Variants in PDE4D observed in about 807,000 individuals in gnomAD.
The protein encoded by PDE4D is 3',5'-cyclic-AMP phosphodiesterase 4D.
A neutral mutation model predicts 87.4 loss-of-function variants in PDE4D; 24 were observed. The observed-to-expected ratio is 0.27, with a 90% CI of 0.20 to 0.39. The LOEUF (loss-of-function observed/expected upper bound fraction) is 0.39, where lower values mean the gene tolerates loss of function less well. Among genes scored for constraint, PDE4D ranks in the 10% least tolerant of loss-of-function variants. PDE4D has a pLI of 1.00. For missense variants in PDE4D, 714 were observed against 1,041.0 expected (o/e 0.69, Z 4.32); for synonymous variants, 384 against 383.2 (o/e 1.00, Z -0.02).
intron 5 of PDE4D, among the ~76,000 whole-genome samples, chr5:59,118,159 T>C (rs769268934): frequency 9.8e-5 from 15 of 152,308 alleles, no homozygotes; most frequent in Non-Finnish European, 2.1e-4. Context: ...TACATTGCCC[T>C]TTAACTTCTG....
At chr5:60,219,519 C>G (rs950998948) in intron 1 of PDE4D, among the ~76,000 whole-genome samples, 16 of 152,128 alleles carry the variant, frequency 1.1e-4, no homozygotes, top group Non-Finnish European at 2.2e-4. Context: ...TGGGATACAC[C>G]TAAGTTACCT....
intron 2 of PDE4D, among the ~76,000 whole-genome samples, chr5:60,041,189 C>T (rs1768438930): frequency 6.6e-6 from 1 of 152,088 alleles, no homozygotes; most frequent in African/African-American, 2.4e-5. Flanking sequence ...GTATATTCAT[C>T]TCATTGTTGA....
chr5:59,573,160 A>G (rs1237859737), intron 1 of PDE4D, among the ~76,000 whole-genome samples: 1 of 152,122 alleles, frequency 6.6e-6, no homozygotes, highest in Admixed American at 6.5e-5. Flanking sequence ...CTCTTGAAAG[A>G]TGGAAGGCCC....
At chr5:59,137,127 C>T (rs1489651580) in intron 5 of PDE4D, among the ~76,000 whole-genome samples, 1 of 152,198 alleles carries the variant, frequency 6.6e-6, no homozygotes, top group South Asian at 2.1e-4. Flanking sequence ...CTTCCCTGTA[C>T]CTCTGCCCAG....
intron 1 of PDE4D, among the ~76,000 whole-genome samples, chr5:59,872,869 T>C (rs1748027320): frequency 6.6e-6 from 1 of 152,120 alleles, no homozygotes; most frequent in Non-Finnish European, 1.5e-5. Context: ...CCATAGAATA[T>C]GGGTACGCTC....
intron 3 of PDE4D, among the ~76,000 whole-genome samples, chr5:59,906,660 T>A (rs1646443648): frequency 6.6e-6 from 1 of 152,042 alleles, no homozygotes; most frequent in South Asian, 2.1e-4. Context: ...TAAGAAAATA[T>A]TAGAATAAAA....
chr5:59,407,215 T>G (rs1791839338), intron 1 of PDE4D, among the ~76,000 whole-genome samples: 1 of 152,182 alleles, frequency 6.6e-6, no homozygotes, highest in Admixed American at 6.5e-5. Flanking sequence ...TTTAAAGGTG[T>G]GTAACACCTT....
chr5:59,750,539 CA>C (rs1760288069), intron 1 of PDE4D, among the ~76,000 whole-genome samples: 1 of 152,164 alleles, frequency 6.6e-6, no homozygotes, highest in African/African-American at 2.4e-5. Flanking sequence ...GTCTTACATA[CA>C]ACTCTGTAAC....
chr5:59,119,077 A>C (rs1055027889), intron 5 of PDE4D, among the ~76,000 whole-genome samples: 1 of 152,212 alleles, frequency 6.6e-6, no homozygotes, highest in Non-Finnish European at 1.5e-5. Flanking sequence ...AAAGCTTCTG[A>C]GAACCAAATG....
At chr5:60,399,314 G>A (rs2150042593) in intron 1 of PDE4D, among the ~76,000 whole-genome samples, 1 of 152,120 alleles carries the variant, frequency 6.6e-6, no homozygotes, top group East Asian at 1.9e-4. Flanking sequence ...TATTAATAAG[G>A]GGCTTAAAAG....
At chr5:60,222,825 G>T (rs998438183) in intron 1 of PDE4D, among the ~76,000 whole-genome samples, 8 of 151,978 alleles carry the variant, frequency 5.3e-5, no homozygotes, top group Non-Finnish European at 1.5e-5. Context: ...ATTAACCATG[G>T]AACTTGGTAC....
chr5:59,162,738 C>T (rs188712742), intron 5 of PDE4D, among the ~76,000 whole-genome samples: 9 of 150,708 alleles, frequency 6.0e-5, no homozygotes, highest in African/African-American at 2.0e-4. Flanking sequence ...GCCTGTAGTC[C>T]CAGGTAGACA....
intron 2 of PDE4D, among the ~76,000 whole-genome samples, chr5:60,045,700 C>G (rs1273633325): frequency 2.0e-5 from 3 of 152,084 alleles, no homozygotes; most frequent in African/African-American, 7.2e-5. Flanking sequence ...TCTGAGGGCT[C>G]TGTTCTGTTC....
At chr5:58,992,087 T>C (rs975293548) in intron 7 of PDE4D, 83 bp from the exon 8 acceptor site, 20 of 845,964 alleles carry the variant, frequency 2.4e-5, no homozygotes, top group Non-Finnish European at 3.3e-5. Flanking sequence ...GGATTATAAT[T>C]GATCATTATA....
In PDE4D at chr5:59,852,431, C is replaced by A. The variant is rs567682081; in HGVS notation, c.455+40737G>T. On this transcript the variant is annotated intron_variant, in intron 1 of 14. Coordinates refer to ENST00000340635, the MANE Select transcript of PDE4D (RefSeq NM_001104631.2). The stretch of plus-strand genomic sequence containing the variant: ...GAAACAGCCCACAAACCATGAAGAT[C>A]CTTAAGCTGCCCCATGGAGAAGACC... 1.7e-4 allele frequency among the ~76,000 whole-genome samples: 26 copies of A among 152,170 alleles called. No homozygotes were observed. The South Asian group carries it at 5.4e-3, about 32-fold the overall frequency.
intron 1 of PDE4D, among the ~76,000 whole-genome samples, chr5:59,654,655 CA>C (rs1295165435): frequency 3.3e-5 from 5 of 152,164 alleles, no homozygotes; most frequent in Non-Finnish European, 5.9e-5. Context: ...TTAGTGCATT[CA>C]CAGAGTTGTG....
intron 1 of PDE4D, among the ~76,000 whole-genome samples, chr5:59,339,411 T>A (rs948142001): frequency 6.6e-6 from 1 of 152,224 alleles, no homozygotes; most frequent in Non-Finnish European, 1.5e-5. Flanking sequence ...AGTTTCAGCA[T>A]GCAACTGGTG....
chr5:59,422,492 C>T (rs1794628126), intron 1 of PDE4D, among the ~76,000 whole-genome samples: 1 of 152,148 alleles, frequency 6.6e-6, no homozygotes, highest in African/African-American at 2.4e-5. Context: ...TTCGCCACTT[C>T]ATTTATCATA....
At chr5:59,976,057 G>C (rs1761296650) in intron 3 of PDE4D, among the ~76,000 whole-genome samples, 1 of 152,104 alleles carries the variant, frequency 6.6e-6, no homozygotes, top group African/African-American at 2.4e-5. Context: ...TTGTCTTGTT[G>C]AGCCTTGGGT....
Sources: gnomAD v4.1 joint callset for allele counts (sites outside exome capture counted in the v4.1 genomes callset) on GRCh38, gnomAD v4.1.1 for gene constraint, MANE v1.5 for transcripts, NCBI Gene and HGNC (gene_info 2026-07-23, HGNC 2026-07-21) for gene names.